Variants in PTPRD observed in about 807,000 individuals in gnomAD.
The protein encoded by PTPRD is protein tyrosine phosphatase receptor type D, also known as receptor-type tyrosine-protein phosphatase delta.
In PTPRD, 34 loss-of-function variants were observed where a neutral mutation model predicts 214.5. The observed-to-expected ratio is 0.16, with a 90% CI of 0.12 to 0.21. PTPRD has a LOEUF of 0.21. PTPRD is among the 10% of genes least tolerant of loss of function. The probability of loss-of-function intolerance (pLI) is 1.00; values close to 1 mark genes in which losing one functional copy is unlikely to be tolerated. For missense variants in PTPRD, 2,545 were observed against 2,398.7 expected, an observed-to-expected ratio of 1.06 and a Z score of -1.27; for synonymous variants, 1,128 against 845.7, an observed-to-expected ratio of 1.33 and a Z score of -5.79.
rs1825632906 is a variant in PTPRD at position 8,319,877 on chromosome 9, G to A, written c.5624C>T (p.Thr1875Ile). The change falls in exon 45 of 46, where the codon ACT (threonine) becomes ATT (isoleucine). Residue 1875 changes from threonine (T) to isoleucine (I), a missense_variant. Thr to Ile is a moderately conservative substitution (Grantham distance 89). Transcript: ENST00000381196. Reference protein sequence around the residue: ...RYEGVVDIFQTVKMLRTQRPA... With the variant: ...RYEGVVDIFQIVKMLRTQRPA... ...TCGTTGTGTTCTTAACATTTTGACA[G>A]TCTGGAAGATATCTACAACTCCTTC... 3 of 1,613,064 alleles carry A rather than the reference G, an allele frequency of 1.9e-6. No individual in the cohort carries two copies. The highest frequency in any genetic ancestry group is 2.5e-6 in the Non-Finnish European group (3 of 1,179,430).
chr9:9,979,596 A>T (rs1363653273), intron 4 of PTPRD, among the ~76,000 whole-genome samples: 5 of 152,192 alleles, frequency 3.3e-5, no homozygotes, highest in Non-Finnish European at 7.4e-5. Flanking sequence ...AATGATCTCA[A>T]TTGGAAGATT....
At chr9:9,587,988 T>C (rs956094505) in intron 7 of PTPRD, among the ~76,000 whole-genome samples, 1 of 152,012 alleles carries the variant, frequency 6.6e-6, no homozygotes, top group African/African-American at 2.4e-5. Context: ...TTCAAAGTAA[T>C]AGAAAAGAGG....
chr9:8,991,776 T>A (rs2154348186), intron 11 of PTPRD, among the ~76,000 whole-genome samples: 1 of 152,262 alleles, frequency 6.6e-6, no homozygotes. Flanking sequence ...TAATTATACA[T>A]TTGCTAGTTC....
intron 11 of PTPRD, among the ~76,000 whole-genome samples, chr9:8,837,246 C>A (rs1018064944): frequency 4.0e-5 from 6 of 151,578 alleles, no homozygotes; most frequent in Non-Finnish European, 8.8e-5. Flanking sequence ...AACTCCTGGC[C>A]TCAAGTGATC....
At chr9:9,746,745 G>A (rs1232206996) in intron 6 of PTPRD, among the ~76,000 whole-genome samples, 1 of 151,320 alleles carries the variant, frequency 6.6e-6, no homozygotes, top group African/African-American at 2.4e-5. Flanking sequence ...CACACGCTCT[G>A]TAGGAATGTC....
At chr9:9,097,938 C>T (rs900445429) in intron 10 of PTPRD, among the ~76,000 whole-genome samples, 2 of 152,068 alleles carry the variant, frequency 1.3e-5, no homozygotes, top group African/African-American at 2.4e-5. Context: ...GGCAGGCATG[C>T]TTGCTGACCA....
At chr9:10,471,423 G>T (rs1458881783) in intron 2 of PTPRD, among the ~76,000 whole-genome samples, 1 of 152,076 alleles carries the variant, frequency 6.6e-6, no homozygotes, top group Non-Finnish European at 1.5e-5. Flanking sequence ...TATTTTAAAA[G>T]TTTCATCAGG....
intron 6 of PTPRD, among the ~76,000 whole-genome samples, chr9:9,762,532 C>T (rs944713590): frequency 6.6e-6 from 1 of 152,152 alleles, no homozygotes; most frequent in African/African-American, 2.4e-5. Flanking sequence ...GCCACCCTTT[C>T]AACACTTTGC....
chr9:10,479,658 T>TAAATAAACAAACAAAC (rs141946645), intron 2 of PTPRD, among the ~76,000 whole-genome samples: 2,908 of 145,854 alleles, frequency 0.02, 65 homozygotes, highest in African/African-American at 0.049. Context: ...AATAAATAAA[T>TAAATAAACAAACAAAC]AAACAAAAAT....
intron 6 of PTPRD, among the ~76,000 whole-genome samples, chr9:9,763,030 A>G (rs552992591): frequency 6.6e-6 from 1 of 152,306 alleles, no homozygotes; most frequent in Admixed American, 6.5e-5. Flanking sequence ...GTGTGTAAGC[A>G]GAGAGGGAAA....
At chr9:10,495,391 A>T (rs993689548) in intron 2 of PTPRD, among the ~76,000 whole-genome samples, 1 of 151,878 alleles carries the variant, frequency 6.6e-6, no homozygotes, top group African/African-American at 2.4e-5. Context: ...TCTGCTGTTA[A>T]GAGAGGAATC....
At chr9:10,436,619 A>G (rs1469658618) in intron 2 of PTPRD, among the ~76,000 whole-genome samples, 1 of 151,722 alleles carries the variant, frequency 6.6e-6, no homozygotes, top group Non-Finnish European at 1.5e-5. Flanking sequence ...ACACACCCCT[A>G]CACATATGTA....
Position 8,942,661 on chromosome 9 carries a change from AT to A in PTPRD, c.-104+76035del, listed in dbSNP as rs113694326. ...CAACAACATACAGGGGTCAAAGCTA[AT>A]TTTTTTTTTGAAAGGGAAGAAAAAA... On this transcript the variant is annotated intron_variant, in intron 11 of 45. Coordinates refer to ENST00000381196, the MANE Select transcript of PTPRD (RefSeq NM_002839.4). Among the ~76,000 whole-genome samples the A allele has an allele frequency of 5.1e-4, 77 of 150,540 alleles. 2 individuals carry two copies. The highest frequency in any genetic ancestry group is 2.1e-4 in the Non-Finnish European group (14 of 67,452).
chr9:9,171,037 T>C (rs2099913561), intron 10 of PTPRD, among the ~76,000 whole-genome samples: 1 of 152,154 alleles, frequency 6.6e-6, no homozygotes, highest in African/African-American at 2.4e-5. Flanking sequence ...ACCTGCCACA[T>C]TGTGGTACCA....
chr9:9,292,692 A>T (rs911567704), intron 9 of PTPRD, among the ~76,000 whole-genome samples: 2 of 151,410 alleles, frequency 1.3e-5, no homozygotes, highest in Non-Finnish European at 3.0e-5. Flanking sequence ...TCCATCCAAG[A>T]TACCACATTA....
intron 2 of PTPRD, among the ~76,000 whole-genome samples, chr9:10,357,272 T>C (rs2097296680): frequency 6.6e-6 from 1 of 152,174 alleles, no homozygotes; most frequent in Non-Finnish European, 1.5e-5. Context: ...TTTTTCTGTG[T>C]TTGATTTGAT....
chr9:8,977,280 A>G (rs956719451), intron 11 of PTPRD, among the ~76,000 whole-genome samples: 1 of 152,080 alleles, frequency 6.6e-6, no homozygotes, highest in Non-Finnish European at 1.5e-5. Context: ...CAGATTCACA[A>G]TTTCAAAGCA....
chr9:8,903,843 G>A (rs547766106), intron 11 of PTPRD, among the ~76,000 whole-genome samples: 4 of 146,496 alleles, frequency 2.7e-5, no homozygotes, highest in Non-Finnish European at 5.9e-5. Context: ...TGGTAATAAT[G>A]GTTGACTTAA....
chr9:9,930,493 A>C (rs10978098), intron 5 of PTPRD, among the ~76,000 whole-genome samples: 1 of 152,024 alleles, frequency 6.6e-6, no homozygotes, highest in African/African-American at 2.4e-5. Flanking sequence ...ATGTAAACAA[A>C]TGTACAACTC....
Sources: allele counts gnomAD v4.1 joint callset (sites outside exome capture counted in the v4.1 genomes callset), GRCh38; gene constraint gnomAD v4.1.1; transcripts MANE v1.5; gene names NCBI Gene and HGNC (gene_info 2026-07-23, HGNC 2026-07-21).